Variants in NDST4 observed in about 807,000 individuals in gnomAD.
NDST4 encodes N-heparan sulfate sulfotransferase 4.
NDST4 carries 63 observed loss-of-function variants against 100.8 expected under a neutral mutation model. That is an observed-to-expected ratio of 0.62 (90% CI 0.51 to 0.77). The LOEUF is 0.77. Ranked by LOEUF, NDST4 falls within the 30% of genes least tolerant of loss-of-function variation. NDST4 has a pLI of 0.00. For synonymous variants in NDST4, 377 were observed against 361.8 expected, an observed-to-expected ratio of 1.04 and a Z score of -0.48; for missense variants, 943 against 1,018.4, an observed-to-expected ratio of 0.93 and a Z score of 1.01.
intron 2 of NDST4, among the ~76,000 whole-genome samples, chr4:114,984,704 A>G (rs1369963179): frequency 6.6e-6 from 1 of 152,162 alleles, no homozygotes; most frequent in African/African-American, 2.4e-5. Flanking sequence ...GAAGACCAAA[A>G]TTGACCATGC....
intron 5 of NDST4, 114 bp from the exon 6 acceptor site, chr4:114,935,448 G>T (rs1263601904): frequency 1.0e-6 from 1 of 977,876 alleles, no homozygotes. Context: ...TTTCTTGGTT[G>T]CTAAGGCCAA....
At chr4:115,090,647 GA>G (rs1319016149) in intron 1 of NDST4, among the ~76,000 whole-genome samples, 1 of 151,750 alleles carries the variant, frequency 6.6e-6, no homozygotes, top group Non-Finnish European at 1.5e-5. Flanking sequence ...GGGTATTTCT[GA>G]ACACTCTTTT....
At chr4:114,845,699 G>A (rs893989193) in intron 10 of NDST4, 124 bp downstream of exon 10, 24 of 818,908 alleles carry the variant, frequency 2.9e-5, no homozygotes, top group Non-Finnish European at 4.0e-5. Context: ...TTTGGTGGGG[G>A]TTGTGGGTTT....
intron 1 of NDST4, among the ~76,000 whole-genome samples, chr4:115,092,134 C>T (rs1265305522): frequency 6.6e-6 from 1 of 152,148 alleles, no homozygotes; most frequent in African/African-American, 2.4e-5. Context: ...TATTGCACGA[C>T]CAGCCTGGGC....
chr4:114,857,892 G>T (rs745498879), intron 7 of NDST4, among the ~76,000 whole-genome samples: 35 of 152,218 alleles, frequency 2.3e-4, no homozygotes, highest in Non-Finnish European at 4.7e-4. Flanking sequence ...AGTGTCCAAA[G>T]TGTGTGATGG....
rs1426605992 is a variant in NDST4 at position 115,067,716 on chromosome 4, A to G, written c.978+8343T>C. Among the ~76,000 whole-genome samples the G allele has an allele frequency of 2.0e-5, 3 of 148,824 alleles. No homozygotes were observed. In the East Asian group the frequency reaches 6.0e-4, roughly 30 times the overall value. ...GGAAGAGTCCTTCTTAAATATAGTA[A>G]CCTTATCATTTTCTTTTTTTTTTGT... On this transcript the variant is annotated intron_variant, in intron 2 of 13. Coordinates refer to ENST00000264363, the MANE Select transcript of NDST4 (RefSeq NM_022569.3).
At chr4:115,008,017 C>T (rs1283987770) in intron 2 of NDST4, among the ~76,000 whole-genome samples, 1 of 129,642 alleles carries the variant, frequency 7.7e-6, no homozygotes, top group Non-Finnish European at 1.7e-5. Context: ...TCCTTTTCAA[C>T]TAAATTAGAA....
intron 1 of NDST4, among the ~76,000 whole-genome samples, chr4:115,079,363 GAAAA>G (rs199667475): frequency 1.3e-5 from 1 of 77,746 alleles, no homozygotes; most frequent in African/African-American, 3.9e-5. Context: ...CTCTGTCTCA[GAAAA>G]AAAAAAAAAA....
chr4:114,874,260 T>G (rs947061320), intron 6 of NDST4, among the ~76,000 whole-genome samples: 1 of 152,144 alleles, frequency 6.6e-6, no homozygotes, highest in Non-Finnish European at 1.5e-5. Context: ...TTTAAAAGAT[T>G]TTCGCAGCAG....
intron 2 of NDST4, among the ~76,000 whole-genome samples, chr4:115,042,626 G>A (rs1479878190): frequency 6.6e-6 from 1 of 152,004 alleles, no homozygotes; most frequent in Non-Finnish European, 1.5e-5. Context: ...ATGTATGTGT[G>A]TATAGGAAAA....
intron 6 of NDST4, among the ~76,000 whole-genome samples, chr4:114,888,252 A>G (rs1021588000): frequency 2.0e-5 from 3 of 151,372 alleles, no homozygotes; most frequent in Admixed American, 1.3e-4. Flanking sequence ...ATATATATTT[A>G]TTGATACCTT....
At chr4:114,889,297 G>A (rs560816029) in intron 6 of NDST4, among the ~76,000 whole-genome samples, 3 of 152,240 alleles carry the variant, frequency 2.0e-5, no homozygotes, top group Non-Finnish European at 2.9e-5. Flanking sequence ...TTTACATTTA[G>A]TGGATTTTGA....
intron 2 of NDST4, among the ~76,000 whole-genome samples, chr4:115,013,686 C>A (rs936030340): frequency 6.6e-6 from 1 of 151,744 alleles, no homozygotes; most frequent in African/African-American, 2.4e-5. Context: ...TGAACTCATC[C>A]TGTGTTTATT....
chr4:114,870,653 G>A (rs1260943521), intron 7 of NDST4, 115 bp downstream of exon 7: 3 of 796,666 alleles, frequency 3.8e-6, no homozygotes, highest in Non-Finnish European at 5.4e-6. Flanking sequence ...TATAAAAGAG[G>A]ATTTTGTGTT....
intron 6 of NDST4, among the ~76,000 whole-genome samples, chr4:114,893,833 G>T (rs779516898): frequency 6.6e-6 from 1 of 152,096 alleles, no homozygotes; most frequent in African/African-American, 2.4e-5. Context: ...GTCCTGAGTG[G>T]TATTGCCTAG....
At chr4:114,987,188 G>A (rs982868630) in intron 2 of NDST4, among the ~76,000 whole-genome samples, 1 of 151,858 alleles carries the variant, frequency 6.6e-6, no homozygotes, top group South Asian at 2.1e-4. Context: ...ATACATATAC[G>A]ACATAAACAA....
chr4:114,967,874 T>C (rs1726419461), intron 4 of NDST4, among the ~76,000 whole-genome samples: 1 of 152,168 alleles, frequency 6.6e-6, no homozygotes. Context: ...TTAACACTAT[T>C]GAATGCTTAC....
chr4:114,980,634 C>G (rs568426317), intron 2 of NDST4, among the ~76,000 whole-genome samples: 38 of 149,972 alleles, frequency 2.5e-4, no homozygotes, highest in African/African-American at 9.4e-4. Flanking sequence ...AAGAGTGAAA[C>G]TCCATCTCAA....
intron 4 of NDST4, among the ~76,000 whole-genome samples, chr4:114,963,424 G>A (rs1487809234): frequency 6.6e-6 from 1 of 152,164 alleles, no homozygotes; most frequent in Non-Finnish European, 1.5e-5. Flanking sequence ...TGCTTAGGTT[G>A]AGGGAGTGGG....
Sources: allele counts gnomAD v4.1 joint callset (sites outside exome capture counted in the v4.1 genomes callset), GRCh38; gene constraint gnomAD v4.1.1; transcripts MANE v1.5; gene names NCBI Gene and HGNC (gene_info 2026-07-23, HGNC 2026-07-21).